The following RAB3C variants were observed in gnomAD, a reference collection of about 807,000 sequenced individuals.
The protein encoded by RAB3C is RAB3C, member RAS oncogene family, also known as ras-related protein Rab-3C.
Under a neutral mutation model 26.4 loss-of-function variants are expected in RAB3C, and 17 were observed. The ratio of observed to expected loss-of-function variants is 0.64; its 90% CI spans 0.44 to 0.97. The LOEUF is 0.97. RAB3C is among the 50% of genes least tolerant of loss of function. The pLI, the probability that RAB3C is intolerant of heterozygous loss-of-function variation, is 0.00. For synonymous variants in RAB3C, 91 were observed against 95.9 expected, an observed-to-expected ratio of 0.95 and a Z score of 0.30; for missense variants, 242 against 281.9, an observed-to-expected ratio of 0.86 and a Z score of 1.01.
intron 3 of RAB3C, among the ~76,000 whole-genome samples, chr5:58,796,529 C>T (rs760437068): frequency 6.7e-4 from 102 of 152,066 alleles, no homozygotes; most frequent in Admixed American, 2.6e-3. Flanking sequence ...GAAACAGAAG[C>T]CATCCCACAT....
chr5:58,832,125 C>T (rs1743626103), intron 4 of RAB3C, among the ~76,000 whole-genome samples: 1 of 152,202 alleles, frequency 6.6e-6, no homozygotes, highest in Non-Finnish European at 1.5e-5. Context: ...CCACAGGGAG[C>T]TGGTCTTCCA....
At chr5:58,739,623 G>A (rs892231952) in intron 3 of RAB3C, among the ~76,000 whole-genome samples, 1 of 152,286 alleles carries the variant, frequency 6.6e-6, no homozygotes, top group East Asian at 1.9e-4. Context: ...GGTATATGAT[G>A]TCTGATTCTG....
At chr5:58,789,212 G>C (rs1249189298) in intron 3 of RAB3C, among the ~76,000 whole-genome samples, 1 of 151,944 alleles carries the variant, frequency 6.6e-6, no homozygotes, top group Admixed American at 6.6e-5. Context: ...GTTCTGCTTG[G>C]GGTACCAGCT....
intron 2 of RAB3C, among the ~76,000 whole-genome samples, chr5:58,620,179 G>T (rs1341637053): frequency 6.6e-6 from 1 of 152,022 alleles, no homozygotes. Context: ...TCCCATCAGG[G>T]TTCAGCCACT....
intron 3 of RAB3C, among the ~76,000 whole-genome samples, chr5:58,815,376 C>T (rs1018040468): frequency 6.6e-6 from 1 of 152,174 alleles, no homozygotes; most frequent in African/African-American, 2.4e-5. Context: ...AGCTCTTCCA[C>T]AATGTCAAAG....
chr5:58,582,431 A>G, upstream of RAB3C: 1 of 985,340 alleles, frequency 1.0e-6, no homozygotes, highest in Non-Finnish European at 1.2e-6. Flanking sequence ...AGGCGAAAGG[A>G]GTTCCTTGGG....
At chr5:58,710,705 T>C (rs1173168057) in intron 2 of RAB3C, among the ~76,000 whole-genome samples, 1 of 152,130 alleles carries the variant, frequency 6.6e-6, no homozygotes, top group African/African-American at 2.4e-5. Flanking sequence ...ATCTTCTCCC[T>C]GGCTTTCCCC....
chr5:58,671,775 A>G (rs996997435), intron 2 of RAB3C, among the ~76,000 whole-genome samples: 4 of 152,208 alleles, frequency 2.6e-5, no homozygotes, highest in African/African-American at 9.7e-5. Context: ...AGGTGTGCTG[A>G]TAGCCAAGAT....
In RAB3C at chr5:58,783,245, A is replaced by T. The variant is rs140753923; in HGVS notation, c.372-41793A>T. On this transcript the variant is annotated intron_variant, in intron 3 of 4. Coordinates refer to ENST00000282878, the MANE Select transcript of RAB3C (RefSeq NM_138453.4). ...CCCCATGAGATACTGATCAAGGGAC[A>T]TTTTTTTAGATTAAAGGCTAAAAGA... 2.6e-5 allele frequency among the ~76,000 whole-genome samples: 4 copies of T among 152,218 alleles called. No homozygotes were observed. The South Asian group carries it at 8.3e-4, about 32-fold the overall frequency.
upstream of RAB3C, chr5:58,582,389 G>T (rs989150031): frequency 2.0e-6 from 2 of 985,228 alleles, no homozygotes; most frequent in Middle Eastern, 5.2e-4. Context: ...TCTGAACCTC[G>T]AGTTGTAATG....
At position 58,856,060 on chromosome 5, in the gene RAB3C, C is replaced by A. The variant is rs1356889623; in HGVS notation, c.*4709C>A. 6.6e-6 allele frequency: 1 copy of A among 152,078 alleles called. No individual in the cohort carries two copies. Among genetic ancestry groups the A allele is most frequent in the Admixed American group, 6.6e-5 (1 of 15,256 alleles). The allele number at this position is 152,078 out of a possible 1,614,324, so 9.4% of individuals were successfully genotyped here. On this transcript the variant is annotated 3_prime_UTR_variant, in exon 5 of 5. Transcript: ENST00000282878. ...AACAGTCACTCACACGCTCACTCGCCTGTACAAAGGTATCAGGCAAACACT... is the reference window on the plus strand; with the variant it reads ...AACAGTCACTCACACGCTCACTCGCATGTACAAAGGTATCAGGCAAACACT...
chr5:58,792,857 C>A (rs1742560614), intron 3 of RAB3C, among the ~76,000 whole-genome samples: 1 of 151,486 alleles, frequency 6.6e-6, no homozygotes, highest in Non-Finnish European at 1.5e-5. Context: ...TATATATAAT[C>A]ATTATATATG....
chr5:58,691,744 A>AT (rs1179137226), intron 2 of RAB3C, among the ~76,000 whole-genome samples: 1 of 152,080 alleles, frequency 6.6e-6, no homozygotes, highest in African/African-American at 2.4e-5. Context: ...CAAAATGTAT[A>AT]TTTTTTTGCA....
intron 2 of RAB3C, among the ~76,000 whole-genome samples, chr5:58,693,330 A>ATATAAG (rs377406953): frequency 9.9e-6 from 1 of 100,930 alleles, no homozygotes; most frequent in African/African-American, 4.1e-5. Flanking sequence ...AATTATATAT[A>ATATAAG]TATGTGTATA....
intron 3 of RAB3C, among the ~76,000 whole-genome samples, chr5:58,775,974 C>T (rs1042418984): frequency 6.6e-6 from 1 of 152,092 alleles, no homozygotes; most frequent in Non-Finnish European, 1.5e-5. Flanking sequence ...GTCCCACAAA[C>T]TTGCATTTTC....
intron 2 of RAB3C, among the ~76,000 whole-genome samples, chr5:58,629,352 G>C (rs1407830284): frequency 2.6e-5 from 4 of 152,100 alleles, no homozygotes; most frequent in Non-Finnish European, 5.9e-5. Flanking sequence ...GCCAGGCAGG[G>C]GCTGTATTTT....
chr5:58,606,846 C>G (rs895151949), intron 1 of RAB3C, among the ~76,000 whole-genome samples: 19 of 152,188 alleles, frequency 1.2e-4, no homozygotes, highest in Non-Finnish European at 2.4e-4. Context: ...GGAAAACTAA[C>G]AAACAGAAAG....
At chr5:58,825,198 A>T (rs1334777115) in intron 4 of RAB3C, 36 bp downstream of exon 4, 14 of 1,589,946 alleles carry the variant, frequency 8.8e-6, no homozygotes, top group Non-Finnish European at 6.9e-6. Flanking sequence ...AAGAAAGATA[A>T]TTTGCTTATT....
At chr5:58,601,827 G>C (rs567039182) in intron 1 of RAB3C, among the ~76,000 whole-genome samples, 67 of 151,342 alleles carry the variant, frequency 4.4e-4, no homozygotes, top group Non-Finnish European at 6.6e-4. Flanking sequence ...TGTATTTTTT[G>C]TTTGTTTGTT....
Sources: allele counts gnomAD v4.1 joint callset (sites outside exome capture counted in the v4.1 genomes callset), GRCh38; gene constraint gnomAD v4.1.1; transcripts MANE v1.5; gene names NCBI Gene and HGNC (gene_info 2026-07-23, HGNC 2026-07-21).